Variants in KCNAB1 observed in about 807,000 individuals in gnomAD.
The protein encoded by KCNAB1 is potassium voltage-gated channel subfamily A regulatory beta subunit 1.
Under a neutral mutation model 64.6 loss-of-function variants are expected in KCNAB1, and 35 were observed. That is an observed-to-expected ratio of 0.54 (90% CI 0.41 to 0.72). The LOEUF (loss-of-function observed/expected upper bound fraction) is 0.72, where lower values mean the gene tolerates loss of function less well. Ranked by LOEUF, KCNAB1 falls within the 30% of genes least tolerant of loss-of-function variation. KCNAB1 has a pLI of 0.00. For missense variants in KCNAB1, 401 were observed against 512.9 expected (o/e 0.78, Z 2.11); for synonymous variants, 177 against 183.8 (o/e 0.96, Z 0.30).
intron 1 of KCNAB1, among the ~76,000 whole-genome samples, chr3:156,340,209 A>G (rs770982278): frequency 1.3e-5 from 2 of 152,130 alleles, no homozygotes; most frequent in South Asian, 4.1e-4. Context: ...GCCCATCTTG[A>G]CTAGAATTCA....
intron 3 of KCNAB1, chr3:156,456,831 A>C (rs1712469301): frequency 6.5e-6 from 1 of 153,132 alleles, no homozygotes; most frequent in African/African-American, 2.4e-5. Context: ...TCAGCAGCAC[A>C]AAGCAAGGAA....
At chr3:156,139,575 T>G in intron 1 of KCNAB1, among the ~76,000 whole-genome samples, 1 of 144,750 alleles carries the variant, frequency 6.9e-6, no homozygotes, top group Admixed American at 7.3e-5. Flanking sequence ...CCTAACTCCA[T>G]TGTACTGTGT....
intron 1 of KCNAB1, among the ~76,000 whole-genome samples, chr3:156,164,669 A>G (rs1026613676): frequency 2.0e-5 from 3 of 152,224 alleles, no homozygotes; most frequent in Non-Finnish European, 4.4e-5. Flanking sequence ...TTCCCTGTCC[A>G]AATTGAAAAA....
chr3:156,325,974 A>G (rs1011636409), intron 1 of KCNAB1, among the ~76,000 whole-genome samples: 1 of 152,166 alleles, frequency 6.6e-6, no homozygotes, highest in Non-Finnish European at 1.5e-5. Flanking sequence ...GATGACAGGA[A>G]TCTTACAGGA....
At chr3:156,175,706 A>T in intron 1 of KCNAB1, 1 of 523,032 alleles carries the variant, frequency 1.9e-6, no homozygotes, top group Non-Finnish European at 3.7e-6. Flanking sequence ...GTGAAATGGG[A>T]TAGCAGTGGT....
At chr3:156,268,312 G>A (rs1436069958) in intron 1 of KCNAB1, among the ~76,000 whole-genome samples, 1 of 152,094 alleles carries the variant, frequency 6.6e-6, no homozygotes. Flanking sequence ...TGACTATTGT[G>A]AATAGTGCTA....
intron 1 of KCNAB1, among the ~76,000 whole-genome samples, chr3:156,172,389 C>T (rs1485594367): frequency 1.3e-5 from 2 of 151,688 alleles, no homozygotes; most frequent in Non-Finnish European, 2.9e-5. Flanking sequence ...AAGCAATTCT[C>T]GTGCCTCAGC....
At chr3:156,192,592 C>A (rs972423288) in intron 1 of KCNAB1, among the ~76,000 whole-genome samples, 4 of 152,022 alleles carry the variant, frequency 2.6e-5, no homozygotes, top group Non-Finnish European at 4.4e-5. Context: ...GTGTTGAGTT[C>A]TCCAAATGTG....
At chr3:156,367,338 G>A (rs1351172089) in intron 1 of KCNAB1, among the ~76,000 whole-genome samples, 3 of 134,214 alleles carry the variant, frequency 2.2e-5, no homozygotes, top group South Asian at 4.5e-4. Flanking sequence ...ACTACGCCCA[G>A]CTAATTTTTT....
At chr3:156,426,259 C>G (rs946828865) in intron 2 of KCNAB1, among the ~76,000 whole-genome samples, 2 of 152,166 alleles carry the variant, frequency 1.3e-5, no homozygotes. Flanking sequence ...CCTGCCACAG[C>G]TTCCATCAAA....
At chr3:156,500,936 A>G (rs1716357554) in intron 8 of KCNAB1, among the ~76,000 whole-genome samples, 1 of 152,216 alleles carries the variant, frequency 6.6e-6, no homozygotes, top group Non-Finnish European at 1.5e-5. Flanking sequence ...CACTGACTAC[A>G]TATCAATATA....
At chr3:156,420,946 T>TAC (rs200723420) in intron 1 of KCNAB1, among the ~76,000 whole-genome samples, 30 of 150,050 alleles carry the variant, frequency 2.0e-4, no homozygotes, top group Non-Finnish European at 2.8e-4. Context: ...TAAATATATA[T>TAC]ACACACACAC....
At chr3:156,276,159 A>G (rs563477876) in intron 1 of KCNAB1, among the ~76,000 whole-genome samples, 41 of 152,330 alleles carry the variant, frequency 2.7e-4, no homozygotes, top group Non-Finnish European at 5.1e-4. Context: ...GTACATTTCT[A>G]TCAGAGCTCT....
At chr3:156,381,668 A>G (rs1712166296) in intron 1 of KCNAB1, among the ~76,000 whole-genome samples, 1 of 152,236 alleles carries the variant, frequency 6.6e-6, no homozygotes, top group Admixed American at 6.5e-5. Flanking sequence ...GAAACACAAA[A>G]TGAGGAAAGG....
chr3:156,406,173 A>T (rs1052652453), intron 1 of KCNAB1, among the ~76,000 whole-genome samples: 1 of 152,228 alleles, frequency 6.6e-6, no homozygotes, highest in Non-Finnish European at 1.5e-5. Flanking sequence ...TATAAAATTG[A>T]AGAAATAAAA....
chr3:156,491,936 G>A lies in KCNAB1; in HGVS notation c.658+17116G>A, dbSNP rs117586347. Among the ~76,000 whole-genome samples the A allele has an allele frequency of 3.2e-3, 494 of 152,152 alleles. 11 individuals carry two copies. The East Asian group carries it at 0.056, about 17-fold the overall frequency. On this transcript the variant is annotated intron_variant, in intron 8 of 13. Transcript: ENST00000490337. ...CTGCATAGTATCAGAGAAATTATTC[G>A]ATTCTGGAATGTAATTTGGCTAAAT...
At chr3:156,371,718 C>T (rs905094195) in intron 1 of KCNAB1, among the ~76,000 whole-genome samples, 14 of 152,036 alleles carry the variant, frequency 9.2e-5, no homozygotes, top group African/African-American at 3.4e-4. Context: ...TTAAATCTCC[C>T]CCTCAGTTTT....
Position 156,438,946 on chromosome 3 carries a change from G to A in KCNAB1, c.320-13953G>A, listed in dbSNP as rs140257262. Among the ~76,000 whole-genome samples the A allele has an allele frequency of 5.9e-3, 902 of 152,128 alleles. 4 individuals carry two copies. The highest frequency in any genetic ancestry group is 0.021 in the African/African-American group (865 of 41,482). On this transcript the variant is annotated intron_variant, in intron 2 of 13. Coordinates refer to ENST00000490337, the MANE Select transcript of KCNAB1 (RefSeq NM_172160.3). ...GGAGAATCGCTTGAACCCGGGAGGC[G>A]GAGGTTGCAGTGAGCCGAGGTTGTG...
At chr3:156,303,240 C>T (rs1236420467) in intron 1 of KCNAB1, among the ~76,000 whole-genome samples, 7 of 152,188 alleles carry the variant, frequency 4.6e-5, no homozygotes, top group Admixed American at 3.3e-4. Flanking sequence ...AGGTTATACT[C>T]TTGATTTCAA....
Sources: allele counts gnomAD v4.1 joint callset (sites outside exome capture counted in the v4.1 genomes callset), GRCh38; gene constraint gnomAD v4.1.1; transcripts MANE v1.5; gene names NCBI Gene and HGNC (gene_info 2026-07-23, HGNC 2026-07-21).